Variants in PCTP observed in about 807,000 individuals in gnomAD.
PCTP encodes the protein phosphatidylcholine transfer protein.
A neutral mutation model predicts 31.0 loss-of-function variants in PCTP; 27 were observed. The observed-to-expected ratio is 0.87, with a 90% CI of 0.64 to 1.20. The LOEUF (loss-of-function observed/expected upper bound fraction) is 1.20. Among genes scored for constraint, PCTP ranks in the 50% most tolerant of loss-of-function variants. PCTP has a pLI of 0.00. For synonymous variants in PCTP, 108 were observed against 101.2 expected, an observed-to-expected ratio of 1.07 and a Z score of -0.40; for missense variants, 287 against 268.2, an observed-to-expected ratio of 1.07 and a Z score of -0.49.
intron 3 of PCTP, among the ~76,000 whole-genome samples, chr17:55,798,894 C>A (rs1912275874): frequency 6.6e-6 from 1 of 151,748 alleles, no homozygotes; most frequent in Non-Finnish European, 1.5e-5. Context: ...ATATCTGTGT[C>A]ATTAAAATAA....
chr17:55,851,418 G>A, the PCTP span, among the ~76,000 whole-genome samples: 5 of 152,214 alleles, frequency 3.3e-5, no homozygotes, highest in Non-Finnish European at 5.9e-5. Flanking sequence ...ACCCACTCAA[G>A]CTCTCAGCTA....
intron 3 of PCTP, among the ~76,000 whole-genome samples, chr17:55,787,888 C>T (rs898499801): frequency 2.0e-5 from 3 of 152,158 alleles, no homozygotes; most frequent in Non-Finnish European, 4.4e-5. Flanking sequence ...ATTCCCTTCT[C>T]TATTCTTCTC....
chr17:55,827,530 C>G, downstream of PCTP, among the ~76,000 whole-genome samples: 1 of 152,328 alleles, frequency 6.6e-6, no homozygotes, highest in Admixed American at 6.5e-5. Flanking sequence ...TGTTACACAG[C>G]GTTAGCTGAA....
intron 3 of PCTP, among the ~76,000 whole-genome samples, chr17:55,772,490 G>A (rs1911065797): frequency 6.6e-6 from 1 of 151,678 alleles, no homozygotes; most frequent in African/African-American, 2.4e-5. Context: ...CGGAGGCTGA[G>A]GTGGGAGGAT....
chr17:55,839,897 G>A (rs1243176219), intron 5 of PCTP, among the ~76,000 whole-genome samples: 4 of 125,294 alleles, frequency 3.2e-5, no homozygotes, highest in African/African-American at 1.3e-4. Context: ...TCCAGCCTGG[G>A]CGACAGAGCG....
At chr17:55,797,972 A>C (rs1467687450) in intron 3 of PCTP, among the ~76,000 whole-genome samples, 1 of 152,038 alleles carries the variant, frequency 6.6e-6, no homozygotes, top group Non-Finnish European at 1.5e-5. Flanking sequence ...ACTTTTAAAA[A>C]ACTGGGATTC....
At chr17:55,754,296 C>T (rs1597968444) in intron 1 of PCTP, among the ~76,000 whole-genome samples, 1 of 152,138 alleles carries the variant, frequency 6.6e-6, no homozygotes, top group Non-Finnish European at 1.5e-5. Flanking sequence ...ATAGGGGATC[C>T]CATGACCCCC....
intron 3 of PCTP, among the ~76,000 whole-genome samples, chr17:55,821,503 C>A (rs79051777): frequency 6.6e-6 from 1 of 152,270 alleles, no homozygotes; most frequent in East Asian, 1.9e-4. Flanking sequence ...TAAATTGGTT[C>A]ATTGCATGGC....
intron 3 of PCTP, among the ~76,000 whole-genome samples, chr17:55,791,488 G>A (rs1453363535): frequency 2.6e-4 from 38 of 147,114 alleles, no homozygotes; most frequent in African/African-American, 9.3e-4. Flanking sequence ...ATCAAAAAGT[G>A]GGCAAAGGAC....
Position 55,776,589 on chromosome 17 carries a change from T to C in PCTP, c.*489T>C, listed in dbSNP as rs1911343334. On this transcript the variant is annotated 3_prime_UTR_variant, in exon 6 of 6. Transcript: ENST00000268896. ...CTGGAAGTGGCATTTCGTTCAGAGC[T>C]GACTTTCAGTGCACCCAAACTGGAT... 1 of 1,231,250 alleles carries C rather than the reference T, an allele frequency of 8.1e-7. No homozygotes were observed. The highest frequency in any genetic ancestry group is 1.6e-5 in the African/African-American group (1 of 64,420). 76.3% of individuals were successfully genotyped at this position (1,231,250 alleles called of 1,614,324 possible). A position where few individuals can be genotyped will look rare whatever the true frequency, so the allele number is the denominator to read the frequency against.
chr17:55,768,486 G>T (rs1270957256), intron 2 of PCTP, among the ~76,000 whole-genome samples: 3 of 152,192 alleles, frequency 2.0e-5, no homozygotes, highest in Non-Finnish European at 4.4e-5. Context: ...CATTAGTAAG[G>T]TCAGGAAAGC....
At chr17:55,785,021 C>T (rs1490427540) in intron 2 of PCTP, among the ~76,000 whole-genome samples, 1 of 148,634 alleles carries the variant, frequency 6.7e-6, no homozygotes, top group African/African-American at 2.5e-5. Flanking sequence ...CAATAATCCC[C>T]ACATCTGTAT....
intron 1 of PCTP, among the ~76,000 whole-genome samples, chr17:55,754,928 CAT>C (rs1368196931): frequency 6.6e-6 from 1 of 152,098 alleles, no homozygotes; most frequent in Admixed American, 6.5e-5. Flanking sequence ...CGCCGCCACA[CAT>C]ATGTATACAC....
chr17:55,845,956 G>C (rs886998530), downstream of PCTP, among the ~76,000 whole-genome samples: 3 of 149,888 alleles, frequency 2.0e-5, no homozygotes, highest in African/African-American at 7.4e-5. Context: ...ATATTACTGA[G>C]AAAGTGCTCT....
chr17:55,827,901 A>G (rs1046660273), downstream of PCTP, among the ~76,000 whole-genome samples: 1 of 152,180 alleles, frequency 6.6e-6, no homozygotes, highest in African/African-American at 2.4e-5. Flanking sequence ...GCTTATTAGG[A>G]TGCAGGTCCT....
At chr17:55,817,620 C>T (rs1357509824) in intron 3 of PCTP, among the ~76,000 whole-genome samples, 1 of 152,036 alleles carries the variant, frequency 6.6e-6, no homozygotes, top group East Asian at 1.9e-4. Context: ...GTGAGGTTTG[C>T]CTTATGGAGA....
chr17:55,773,585 G>A (rs1242937480), intron 3 of PCTP, 139 bp from the exon 4 acceptor site: 3 of 711,036 alleles, frequency 4.2e-6, no homozygotes, highest in South Asian at 1.8e-5. Flanking sequence ...GACAGGGCAC[G>A]TCAGTGAACT....
In PCTP at chr17:55,799,238, C is replaced by A. The variant is rs753710927; in HGVS notation, c.317+11584C>A. ...AGATTTTTAGATGAAAAGAGAAGCA[C>A]AACTATTTGCTGCTTAAAAGAGACA... On this transcript the variant is annotated intron_variant, in intron 3 of 3. Coordinates refer to the PCTP transcript ENST00000572536. 2.0e-5 allele frequency among the ~76,000 whole-genome samples: 3 copies of A among 151,996 alleles called. No individual in the cohort carries two copies. In the South Asian group the frequency reaches 6.2e-4, roughly 32 times the overall value.
intron 3 of PCTP, among the ~76,000 whole-genome samples, chr17:55,804,190 C>T (rs185191177): frequency 2.4e-4 from 37 of 152,180 alleles, no homozygotes; most frequent in African/African-American, 8.4e-4. Flanking sequence ...GATAGAATGG[C>T]GATCATTAAA....
Sources: gnomAD v4.1 joint callset for allele counts (sites outside exome capture counted in the v4.1 genomes callset) on GRCh38, gnomAD v4.1.1 for gene constraint, MANE v1.5 for transcripts, NCBI Gene and HGNC (gene_info 2026-07-23, HGNC 2026-07-21) for gene names.